Variants in AMPD2 observed in about 807,000 individuals in gnomAD.
AMPD2 encodes adenosine monophosphate deaminase 2.
AMPD2 carries 52 observed loss-of-function variants against 91.3 expected under a neutral mutation model. That is an observed-to-expected ratio of 0.57 (90% CI 0.46 to 0.72). AMPD2 has a LOEUF of 0.72. Ranked by LOEUF, AMPD2 falls within the 30% of genes least tolerant of loss-of-function variation. The pLI is 0.00. For synonymous variants in AMPD2, 455 were observed against 456.4 expected, an observed-to-expected ratio of 1.00 and a Z score of 0.04; for missense variants, 822 against 1,122.3, an observed-to-expected ratio of 0.73 and a Z score of 3.82.
At chr1:109,630,455 G>C in intron 17 of AMPD2, 49 bp downstream of exon 17, 1 of 1,567,076 alleles carries the variant, frequency 6.4e-7, no homozygotes, top group Non-Finnish European at 8.7e-7. Flanking sequence ...AGGACGCTGG[G>C]GTCTCCCGGG....
rs2269340 is a variant in AMPD2, at chr1:109,629,614, T to C, written c.1862+124T>C. The C allele has an allele frequency of 0.12, 174,666 of 1,454,352 alleles. 18,118 individuals are homozygous for C. Among genetic ancestry groups the C allele is most frequent in the East Asian group, 0.44 (19,293 of 43,728 alleles). 90.1% of individuals were successfully genotyped at this position (1,454,352 alleles called of 1,614,324 possible). ...CTGTTGCCTGGACTGGATGGGTTCT[T>C]TCTCTGCCCTTGGAGCTACATCTGT... On this transcript the variant is annotated intron_variant, in intron 15 of 18. Coordinates refer to ENST00000528667, the MANE Select transcript of AMPD2 (RefSeq NM_001368809.2).
intron 2 of AMPD2, 104 bp downstream of exon 2, chr1:109,621,370 C>T (rs1650247426): frequency 8.3e-7 from 1 of 1,204,832 alleles, no homozygotes; most frequent in African/African-American, 1.6e-5. Flanking sequence ...CTCCGGCATC[C>T]TCTCTGTGGT....
rs1341325504 is a variant in AMPD2, at chr1:109,621,285, G to A, written c.91+19G>A. ...GCTCCAGGTGAGTGTGTGCTTCCTGGCCTCAGGATAGATGCTGGGCTCTGT... is the reference window on the plus strand; with the variant it reads ...GCTCCAGGTGAGTGTGTGCTTCCTGACCTCAGGATAGATGCTGGGCTCTGT... On this transcript the variant is annotated intron_variant, in intron 2 of 18. Coordinates refer to ENST00000528667, the MANE Select transcript of AMPD2 (RefSeq NM_001368809.2). 1 of 1,610,934 alleles carries A rather than the reference G, an allele frequency of 6.2e-7. No individual in the cohort carries two copies. The highest frequency in any genetic ancestry group is 1.7e-5 in the Admixed American group (1 of 59,780).
chr1:109,627,978 C>A (rs1370688299), intron 10 of AMPD2, 75 bp downstream of exon 10: 2 of 1,604,964 alleles, frequency 1.2e-6, no homozygotes, highest in Admixed American at 1.7e-5. Flanking sequence ...AAGGGCCAGG[C>A]CCCCCACACA....
Position 109,627,845 on chromosome 1 carries a change from T to C in AMPD2, c.1022T>C (p.Met341Thr), listed in dbSNP as rs750198246. The change falls in exon 10 of 19, where the codon ATG (methionine) becomes ACG (threonine). Residue 341 changes from methionine (M) to threonine (T), a missense_variant. Around this residue, in one of 5 missense-constraint regions of AMPD2, gnomAD observed 37 missense variants for 84.8 expected, o/e 0.44. Coordinates refer to ENST00000528667, the MANE Select transcript of AMPD2 (RefSeq NM_001368809.2). ...KFQMHVLLNE[M>T]KELAAQKKVP... ...CAGATGCATGTGCTACTCAATGAGA[T>C]GAAGGAGCTGGCCGCCCAGAAGAAA... is the stretch of plus-strand genomic sequence containing the variant. 6.2e-7 allele frequency: 1 copy of C among 1,614,064 alleles called. No homozygotes were observed. Among genetic ancestry groups the C allele is most frequent in the Admixed American group, 1.7e-5 (1 of 60,012 alleles).
At position 109,625,400 on chromosome 1, in the gene AMPD2, G is replaced by C. The variant is rs745929697; in HGVS notation, c.189G>C (p.Thr63=). The C allele has an allele frequency of 9.9e-6, 16 of 1,613,970 alleles. No homozygotes were observed. In the Admixed American group the frequency reaches 1.8e-4, roughly 18 times the overall value. The change falls in exon 3 of 19, where the codon ACG becomes ACC. Residue 63 remains threonine, a synonymous_variant. Coordinates refer to ENST00000528667, the MANE Select transcript of AMPD2 (RefSeq NM_001368809.2). The surrounding 1 kb of genome is among the most constrained non-coding windows in gnomAD (Gnocchi z 4.0). ...CLKHFPLDLR[T]SMDGKCKEIA... ...AGCACTTCCCGCTCGACCTGCGCAC[G>C]TCTATGGATGGCAAATGCAAGGAGA...
intron 2 of AMPD2, 150 bp downstream of exon 2, chr1:109,621,416 T>C (rs1333135798): frequency 1.4e-5 from 8 of 561,324 alleles, no homozygotes; most frequent in South Asian, 1.2e-4. Context: ...GACAGCCGGC[T>C]TGGAAGGTGG....
chr1:109,630,142 C>A (rs1651086393), intron 16 of AMPD2, 91 bp from the exon 17 acceptor site: 1 of 1,440,020 alleles, frequency 6.9e-7, no homozygotes, highest in Non-Finnish European at 9.7e-7. Flanking sequence ...CCTCCCCCTG[C>A]CCTCTGCTGT....
intron 2 of AMPD2, 58 bp downstream of exon 2, chr1:109,621,324 G>T (rs746526895): frequency 1.3e-6 from 2 of 1,544,638 alleles, no homozygotes; most frequent in Non-Finnish European, 8.8e-7. Context: ...GCCACCTCTC[G>T]CCCAAGGTGC....
At chr1:109,623,745 G>T (rs895087848) in intron 2 of AMPD2, 1 of 152,492 alleles carries the variant, frequency 6.6e-6, no homozygotes, top group Admixed American at 6.5e-5. Flanking sequence ...ATTTTAAGGA[G>T]GCTTGGCTCC....
intron 1 of AMPD2, 166 bp downstream of exon 1, chr1:109,620,444 G>A: frequency 2.4e-6 from 2 of 821,852 alleles, no homozygotes; most frequent in Non-Finnish European, 2.9e-6. Flanking sequence ...CAGAGACAGA[G>A]GAAAAATCCA....
rs752265875 is a variant in AMPD2, at chr1:109,628,042, C to T, written c.1081-41C>T. On this transcript the variant is annotated intron_variant, in intron 10 of 18. Coordinates refer to ENST00000528667, the MANE Select transcript of AMPD2 (RefSeq NM_001368809.2). This position sits in a 1 kb window ranked among gnomAD's most constrained non-coding sequence, Gnocchi z 7.1. ...TGCACTGCCCCAGGCCCCAGACCTTCCTGGCCTCTGGTGGATCAGCAGTGC... is the reference window on the plus strand; with the variant it reads ...TGCACTGCCCCAGGCCCCAGACCTTTCTGGCCTCTGGTGGATCAGCAGTGC... 2.6e-5 allele frequency: 42 copies of T among 1,603,588 alleles called. No individual in the cohort carries two copies. Among genetic ancestry groups the T allele is most frequent in the Non-Finnish European group, 3.5e-5 (41 of 1,173,438 alleles).
intron 9 of AMPD2, 117 bp downstream of exon 9, chr1:109,627,635 C>T (rs1650819732): frequency 1.9e-5 from 29 of 1,516,654 alleles, no homozygotes; most frequent in South Asian, 9.4e-5. Flanking sequence ...GCTGAGCCCT[C>T]GACTTCCCCG....
chr1:109,629,026 C>A, intron 13 of AMPD2, 83 bp from the exon 14 acceptor site: 1 of 1,568,100 alleles, frequency 6.4e-7, no homozygotes, highest in South Asian at 1.2e-5. Context: ...CGCTCTTGGG[C>A]CAAGCTCTGA....
rs149590440 is a variant in AMPD2, at chr1:109,626,575, C to T, written c.531+148C>T. ...GAGGGGCAGAGGGGCTGCCTAGGAG[C>T]CACTTGATGTGCTGGACCAGGGTGA... is the stretch of plus-strand genomic sequence containing the variant. On this transcript the variant is annotated intron_variant, in intron 6 of 18. Transcript: ENST00000528667. 5 of 1,310,664 alleles carry T rather than the reference C, an allele frequency of 3.8e-6. No homozygotes were observed. The African/African-American group carries it at 7.4e-5, about 19-fold the overall frequency. The allele number at this position is 1,310,664 out of a possible 1,614,324, so 81.2% of individuals were successfully genotyped here. A position where few individuals can be genotyped will look rare whatever the true frequency, so the allele number is the denominator to read the frequency against.
Position 109,625,364 on chromosome 1 carries a change from C to CTT in AMPD2, c.153_154insTT (p.Pro52PhefsTer82). On this transcript the variant is annotated frameshift_variant, in exon 3 of 19. Transcript: ENST00000528667. LOFTEE classifies it high-confidence loss of function. This position sits in a 1 kb window ranked among gnomAD's most constrained non-coding sequence, Gnocchi z 4.0. Reference sequence around the variant, plus strand: ...CTGCCCGATCCCTGCCGGGCCCCGCCCCCTGCCTCAAGCACTTCCCGCTCG... The same window carrying CTT: ...CTGCCCGATCCCTGCCGGGCCCCGCCTTCCCTGCCTCAAGCACTTCCCGCTCG... 1 of 1,613,846 alleles carries CTT rather than the reference C, an allele frequency of 6.2e-7. No individual in the cohort carries two copies. Among genetic ancestry groups the CTT allele is most frequent in the African/African-American group, 1.3e-5 (1 of 75,020 alleles).
chr1:109,620,321 G>C, intron 1 of AMPD2, 43 bp downstream of exon 1: 1 of 1,611,968 alleles, frequency 6.2e-7, no homozygotes, highest in Non-Finnish European at 8.5e-7. Context: ...CTCTGGGACA[G>C]AGAAGTGCTG....
intron 2 of AMPD2, chr1:109,623,734 G>A (rs1361419324): frequency 1.3e-5 from 2 of 152,344 alleles, no homozygotes; most frequent in African/African-American, 4.8e-5. Flanking sequence ...TAGGGCAGTG[G>A]ATTTTAAGGA....
At position 109,625,445 on chromosome 1, in the gene AMPD2, C is replaced by T. The variant is rs891929013; in HGVS notation, c.222+12C>T. The T allele has an allele frequency of 5.0e-6, 8 of 1,613,728 alleles. No homozygotes were observed. Among genetic ancestry groups the T allele is most frequent in the Non-Finnish European group, 5.1e-6 (6 of 1,179,958 alleles). On this transcript the variant is annotated intron_variant, in intron 3 of 18. Transcript: ENST00000528667. The surrounding 1 kb of genome is among the most constrained non-coding windows in gnomAD (Gnocchi z 4.0). Reference sequence around the variant, plus strand: ...AGGAGATCGCCGAGGTATCACCTGGCACCACCCGCACCCTCACCCCGTGTC... The same window carrying T: ...AGGAGATCGCCGAGGTATCACCTGGTACCACCCGCACCCTCACCCCGTGTC...
Sources: allele counts gnomAD v4.1 joint callset, GRCh38; gene constraint gnomAD v4.1.1; regional missense constraint gnomAD v4.1.1; non-coding constraint Gnocchi (gnomAD v3.1); transcripts MANE v1.5; gene names NCBI Gene and HGNC (gene_info 2026-07-23, HGNC 2026-07-21).